The following GUCA1B variants were observed in gnomAD, a reference collection of about 807,000 sequenced individuals.
GUCA1B encodes the protein guanylyl cyclase-activating protein 2.
In GUCA1B, 22 loss-of-function variants were observed where a neutral mutation model predicts 24.2. The observed-to-expected ratio is 0.91, with a 90% CI of 0.65 to 1.30. The LOEUF (loss-of-function observed/expected upper bound fraction) is 1.30. Among genes scored for constraint, GUCA1B ranks in the 50% most tolerant of loss-of-function variants. The probability of loss-of-function intolerance (pLI) is 0.00; values close to 1 mark genes in which losing one functional copy is unlikely to be tolerated. For synonymous variants in GUCA1B, 100 were observed against 97.9 expected (o/e 1.02, Z -0.13); for missense variants, 221 against 258.8 (o/e 0.85, Z 1.00).
At chr6:42,188,514 G>A (rs980004243) in intron 2 of GUCA1B, 68 bp downstream of exon 2, 1 of 1,513,770 alleles carries the variant, frequency 6.6e-7, no homozygotes, top group Non-Finnish European at 9.2e-7. Context: ...GGCCACTTGT[G>A]GCCAACCTTC....
At chr6:42,190,547 C>T (rs1355117835) in intron 1 of GUCA1B, among the ~76,000 whole-genome samples, 4 of 151,812 alleles carry the variant, frequency 2.6e-5, no homozygotes, top group Non-Finnish European at 5.9e-5. Flanking sequence ...GCTATTTTCT[C>T]GAGTAGTTGT....
chr6:42,185,870 C>A (rs1472961101), intron 2 of GUCA1B, 73 bp from the exon 3 acceptor site: 4 of 893,000 alleles, frequency 4.5e-6, no homozygotes, highest in Non-Finnish European at 7.6e-6. Flanking sequence ...ACCCACATCC[C>A]CCAGCACCAC....
intron 1 of GUCA1B, among the ~76,000 whole-genome samples, chr6:42,192,061 AAAG>A (rs1768313973): frequency 6.6e-6 from 1 of 151,502 alleles, no homozygotes; most frequent in Non-Finnish European, 1.5e-5. Flanking sequence ...AGAAAAAAAA[AAAG>A]AAAAAGGAAG....
chr6:42,184,618 G>T lies in GUCA1B; in HGVS notation c.*197C>A. 1.5e-6 allele frequency: 1 copy of T among 663,996 alleles called. No individual in the cohort carries two copies. The highest frequency in any genetic ancestry group is 1.6e-5 in the South Asian group (1 of 64,140). The allele number at this position is 663,996 out of a possible 1,614,324, so 41.1% of individuals were successfully genotyped here. A position where few individuals can be genotyped will look rare whatever the true frequency, so the allele number is the denominator to read the frequency against. On this transcript the variant is annotated 3_prime_UTR_variant, in exon 4 of 4. Transcript: ENST00000230361. The stretch of plus-strand genomic sequence containing the variant: ...ACTGAATTCCCTTCACCATCCCAGG[G>T]ACTCCTCCAAAATGGACTATGCCCT...
chr6:42,189,655 A>G (rs528435727), intron 1 of GUCA1B, among the ~76,000 whole-genome samples: 8 of 152,328 alleles, frequency 5.3e-5, no homozygotes, highest in Non-Finnish European at 1.0e-4. Flanking sequence ...GGGAGCGCAG[A>G]GCTCAGGTGC....
chr6:42,192,998 TATAGG>T (rs1261883366), intron 1 of GUCA1B, among the ~76,000 whole-genome samples: 1 of 152,192 alleles, frequency 6.6e-6, no homozygotes, highest in Non-Finnish European at 1.5e-5. Flanking sequence ...TATATATACT[TATAGG>T]ATACATTATA....
In GUCA1B at chr6:42,184,741, A is replaced by C. The variant is rs1220147051; in HGVS notation, c.*74T>G. 2.1e-6 allele frequency: 3 copies of C among 1,416,026 alleles called. No individual in the cohort carries two copies. The highest frequency in any genetic ancestry group is 1.7e-5 in the Admixed American group (1 of 59,748). The allele number at this position is 1,416,026 out of a possible 1,614,324, so 87.7% of individuals were successfully genotyped here. A position where few individuals can be genotyped will look rare whatever the true frequency, so the allele number is the denominator to read the frequency against. On this transcript the variant is annotated 3_prime_UTR_variant, in exon 4 of 4. Coordinates refer to ENST00000230361, the MANE Select transcript of GUCA1B (RefSeq NM_002098.6). ...CACCAGGGGAAGAGTGGGCATGAGC[A>C]GGCTGAGCCAGGGACCCTCCTACTA...
chr6:42,185,891 C>T, intron 2 of GUCA1B, 94 bp from the exon 3 acceptor site: 1 of 795,356 alleles, frequency 1.3e-6, no homozygotes. Flanking sequence ...TTCCCCAGTG[C>T]TGGCTTCCCA....
chr6:42,188,886 T>TTCTA (rs11270970), intron 1 of GUCA1B, among the ~76,000 whole-genome samples, 155 bp from the exon 2 acceptor site: 14,783 of 116,416 alleles, frequency 0.13, 935 homozygotes, highest in Non-Finnish European at 0.14. Flanking sequence ...GTAGAGAACA[T>TTCTA]TCTATCTATC....
chr6:42,185,079 C>T (rs981170230), intron 3 of GUCA1B, 137 bp from the exon 4 acceptor site: 25 of 758,338 alleles, frequency 3.3e-5, no homozygotes, highest in South Asian at 1.0e-4. Context: ...CTCAAGCTTG[C>T]GGCTTGTCAG....
chr6:42,194,788 C>A lies in GUCA1B; in HGVS notation c.33G>T (p.Glu11Asp), dbSNP rs1768369865. 6.3e-7 allele frequency: 1 copy of A among 1,579,432 alleles called. No homozygotes were observed. Among genetic ancestry groups the A allele is most frequent in the Non-Finnish European group, 8.6e-7 (1 of 1,162,620 alleles). The change falls in exon 1 of 4, where the codon GAG becomes GAT. Residue 11 changes from glutamate (E) to aspartate (D), a missense_variant. Transcript: ENST00000230361. ...CCGCCACATCTATCTCGCCAGCTGC[C>A]TCCGCCTCCTCCCAGCTAAACTCCT... The part of the protein sequence containing the change: MGQEFSWEEA[E>D]AAGEIDVAEL...
At chr6:42,185,913 T>C in intron 2 of GUCA1B, 116 bp from the exon 3 acceptor site, 1 of 737,522 alleles carries the variant, frequency 1.4e-6, no homozygotes, top group Non-Finnish European at 2.5e-6. Context: ...GCTGTGCGTC[T>C]TAGGATCACA....
At chr6:42,189,197 A>C (rs1301892378) in intron 1 of GUCA1B, among the ~76,000 whole-genome samples, 1 of 152,162 alleles carries the variant, frequency 6.6e-6, no homozygotes, top group Non-Finnish European at 1.5e-5. Flanking sequence ...CTCTTCAGCC[A>C]TAGTGCTCTC....
intron 1 of GUCA1B, 42 bp from the exon 2 acceptor site, chr6:42,188,773 C>T (rs1233183659): frequency 6.3e-7 from 1 of 1,587,204 alleles, no homozygotes; most frequent in Non-Finnish European, 8.6e-7. Context: ...AGCCCACCTC[C>T]CCAGAGCATA....
rs1239750905 is a variant in GUCA1B, at chr6:42,188,627, A to C, written c.312T>G (p.Asp104Glu). 2 of 1,614,042 alleles carry C rather than the reference A, an allele frequency of 1.2e-6. No individual in the cohort carries two copies. The highest frequency in any genetic ancestry group is 1.7e-6 in the Non-Finnish European group (2 of 1,179,960). The change falls in exon 2 of 4, where the codon GAT (aspartate) becomes GAG (glutamate). Residue 104 changes from aspartate to glutamate, a missense_variant. Physicochemically the swap from Asp to Glu is conservative, Grantham distance 45. Coordinates refer to ENST00000230361, the MANE Select transcript of GUCA1B (RefSeq NM_002098.6). ...CCAGGCGGTCGATGCAGCCATTGCCATCCTTATCATAGATCTTGAATGTCC... is the reference window on the plus strand; with the variant it reads ...CCAGGCGGTCGATGCAGCCATTGCCCTCCTTATCATAGATCTTGAATGTCC... ...LKWTFKIYDK[D>E]GNGCIDRLEL...
Position 42,184,777 on chromosome 6 carries a change from C to T in GUCA1B, c.*38G>A. 1 of 1,610,050 alleles carries T rather than the reference C, an allele frequency of 6.2e-7. No homozygotes were observed. Among genetic ancestry groups the T allele is most frequent in the Non-Finnish European group, 8.5e-7 (1 of 1,176,806 alleles). ...GGGACCCTCCTACTACCCTGGAAAC[C>T]TGGGTGAGCCTGGAGTCGTGGAGGG... On this transcript the variant is annotated 3_prime_UTR_variant, in exon 4 of 4. Coordinates refer to ENST00000230361, the MANE Select transcript of GUCA1B (RefSeq NM_002098.6).
rs533095339 is a variant in GUCA1B, at chr6:42,189,740, T to C, written c.208-1009A>G. Among the ~76,000 whole-genome samples, 3 of 152,336 alleles carry C rather than the reference T, an allele frequency of 2.0e-5. No homozygotes were observed. The South Asian group carries it at 6.2e-4, about 32-fold the overall frequency. ...CTCACCAGGAAGCAACAGAACCTTC[T>C]TGTAACAGAAATGCGGCAGCAATAA... is the stretch of plus-strand genomic sequence containing the variant. On this transcript the variant is annotated intron_variant, in intron 1 of 3. Coordinates refer to ENST00000230361, the MANE Select transcript of GUCA1B (RefSeq NM_002098.6).
At chr6:42,186,066 A>C (rs1768187070) in intron 2 of GUCA1B, among the ~76,000 whole-genome samples, 1 of 152,202 alleles carries the variant, frequency 6.6e-6, no homozygotes, top group South Asian at 2.1e-4. Context: ...GCAAAGCCCA[A>C]ATCCAAAACC....
At chr6:42,185,655 C>T (rs779855673) in intron 3 of GUCA1B, 25 bp downstream of exon 3, 4 of 1,330,482 alleles carry the variant, frequency 3.0e-6, no homozygotes, top group Admixed American at 1.7e-5. Flanking sequence ...GTGGACAGCA[C>T]TCTCCCCATC....
Sources: allele counts gnomAD v4.1 joint callset (sites outside exome capture counted in the v4.1 genomes callset), GRCh38; gene constraint gnomAD v4.1.1; transcripts MANE v1.5; gene names NCBI Gene and HGNC (gene_info 2026-07-23, HGNC 2026-07-21).